Variants in TXLNB observed in about 807,000 individuals in gnomAD.
TXLNB encodes taxilin beta.
Under a neutral mutation model 57.4 loss-of-function variants are expected in TXLNB, and 37 were observed. The ratio of observed to expected loss-of-function variants is 0.64; its 90% CI spans 0.50 to 0.85. The LOEUF is 0.85. TXLNB is among the 40% of genes least tolerant of loss of function. TXLNB has a pLI of 0.00. For synonymous variants in TXLNB, 302 were observed against 309.6 expected (o/e 0.98, Z 0.26); for missense variants, 848 against 825.6 (o/e 1.03, Z -0.33).
chr6:139,242,564 G>C lies in TXLNB; in HGVS notation c.2017C>G (p.Arg673Gly). 5 of 1,515,326 alleles carry C rather than the reference G, an allele frequency of 3.3e-6. No homozygotes were observed. In the South Asian group the frequency reaches 5.3e-5, roughly 16 times the overall value. The allele number at this position is 1,515,326 out of a possible 1,614,324, so 93.9% of individuals were successfully genotyped here. Residue 673 changes from arginine (R) to glycine (G), a missense_variant, in exon 10 of 10, where the codon CGC (arginine) becomes GGC (glycine). Arg to Gly is a moderately radical substitution (Grantham distance 125). Transcript: ENST00000358430. Reference protein sequence around the residue: ...PVGASAGPQPRNVADTNLEGV... With the variant: ...PVGASAGPQPGNVADTNLEGV... ...TCCAGATTGGTGTCAGCCACGTTGCGCGGCTGGGGCCCAGCTGAGGCCCCT... is the reference window on the plus strand; with the variant it reads ...TCCAGATTGGTGTCAGCCACGTTGCCCGGCTGGGGCCCAGCTGAGGCCCCT...
rs575733148 is a variant in TXLNB at position 139,240,420 on chromosome 6, G to A, written c.*2106C>T. On this transcript the variant is annotated 3_prime_UTR_variant, in exon 10 of 10. Coordinates refer to ENST00000358430, the MANE Select transcript of TXLNB (RefSeq NM_153235.4). ...TGAAAGTCTTTTGGATGAAAATAAT[G>A]AACTTTGGGTTTTAGAATATTTGAT... 2.0e-5 allele frequency: 3 copies of A among 152,732 alleles called. No individual in the cohort carries two copies. The South Asian group carries it at 6.2e-4, about 32-fold the overall frequency. The allele number at this position is 152,732 out of a possible 1,614,324, so 9.5% of individuals were successfully genotyped here.
chr6:139,281,918 G>GA (rs1777062263), intron 2 of TXLNB, among the ~76,000 whole-genome samples: 1 of 148,868 alleles, frequency 6.7e-6, no homozygotes, highest in Non-Finnish European at 1.5e-5. Context: ...AAAAATATTA[G>GA]AAAAAACAGT....
chr6:139,293,724 A>G (rs150418562), upstream of TXLNB, among the ~76,000 whole-genome samples: 1 of 152,166 alleles, frequency 6.6e-6, no homozygotes, highest in East Asian at 1.9e-4. Context: ...TAGGGGAGGC[A>G]TAAGTTATAT....
the TXLNB span, among the ~76,000 whole-genome samples, chr6:139,194,008 A>AT: frequency 6.7e-6 from 1 of 150,288 alleles, no homozygotes; most frequent in East Asian, 1.9e-4. Flanking sequence ...CGCCCGGCCA[A>AT]TTTTTTGTAT....
intron 2 of TXLNB, among the ~76,000 whole-genome samples, chr6:139,285,002 C>A (rs996020865): frequency 6.9e-6 from 1 of 144,800 alleles, no homozygotes; most frequent in Non-Finnish European, 1.5e-5. Context: ...AGGTCATGAG[C>A]CCACACATAC....
the TXLNB span, chr6:139,165,916 G>A: frequency 4.6e-5 from 8 of 175,478 alleles, no homozygotes; most frequent in East Asian, 1.3e-3. Flanking sequence ...GCCTGGCTTT[G>A]TAATTTTGTG....
the TXLNB span, among the ~76,000 whole-genome samples, chr6:139,186,137 G>A: frequency 6.6e-6 from 1 of 152,102 alleles, no homozygotes; most frequent in Non-Finnish European, 1.5e-5. Context: ...ATATCCATAT[G>A]CAAAAATATA....
chr6:139,211,298 C>G, the TXLNB span, among the ~76,000 whole-genome samples: 7 of 152,206 alleles, frequency 4.6e-5, no homozygotes, highest in African/African-American at 1.4e-4. Context: ...GAGGAACGAA[C>G]AGGCAGCAGC....
the TXLNB span, among the ~76,000 whole-genome samples, chr6:139,204,682 C>A: frequency 6.6e-6 from 1 of 152,112 alleles, no homozygotes; most frequent in African/African-American, 2.4e-5. Context: ...AAAAGCCCTG[C>A]TTGCTTTCTC....
At chr6:139,216,562 AC>A in the TXLNB span, among the ~76,000 whole-genome samples, 1 of 152,210 alleles carries the variant, frequency 6.6e-6, no homozygotes, top group African/African-American at 2.4e-5. Context: ...CCAACATGGC[AC>A]ATGTATACAT....
chr6:139,270,137 A>G (rs1434554376), intron 4 of TXLNB, among the ~76,000 whole-genome samples: 1 of 152,154 alleles, frequency 6.6e-6, no homozygotes, highest in Non-Finnish European at 1.5e-5. Context: ...AACTCAACAT[A>G]ATAGAAAGGT....
intron 9 of TXLNB, 132 bp downstream of exon 9, chr6:139,244,463 C>T (rs1245082196): frequency 1.5e-6 from 1 of 658,102 alleles, no homozygotes; most frequent in Non-Finnish European, 2.7e-6. Context: ...TAAAATGTCA[C>T]ATCCTGCCAC....
chr6:139,239,841 TTCTC>T (rs374081254), downstream of TXLNB, among the ~76,000 whole-genome samples: 1 of 147,966 alleles, frequency 6.8e-6, no homozygotes, highest in Admixed American at 6.7e-5. The surrounding 1 kb of genome is among the most constrained non-coding windows in gnomAD (Gnocchi z 4.7). Flanking sequence ...CTCCCTCCCT[TTCTC>T]TCTCTGTCTC....
chr6:139,243,111 T>C lies in TXLNB; in HGVS notation c.1470A>G (p.Ala490=), dbSNP rs1183433073. The C allele has an allele frequency of 6.2e-7, 1 of 1,614,104 alleles. No individual in the cohort carries two copies. The highest frequency in any genetic ancestry group is 2.2e-5 in the East Asian group (1 of 44,894). The change falls in exon 10 of 10, where the codon GCA becomes GCG. Residue 490 remains alanine, a synonymous_variant. Coordinates refer to ENST00000358430, the MANE Select transcript of TXLNB (RefSeq NM_153235.4). ...SNVSVDQEID[A]EEVNSVQTAV... ...CGGTTTGGACACTATTAACCTCCTC[T>C]GCGTCAATCTCTTGATCCACAGAGA...
the TXLNB span, among the ~76,000 whole-genome samples, chr6:139,168,886 A>C: frequency 6.6e-6 from 1 of 152,172 alleles, no homozygotes; most frequent in Non-Finnish European, 1.5e-5. Context: ...AATTTTGAAG[A>C]CATTTCTTTA....
At chr6:139,174,840 C>G in the TXLNB span, among the ~76,000 whole-genome samples, 1 of 152,002 alleles carries the variant, frequency 6.6e-6, no homozygotes, top group Non-Finnish European at 1.5e-5. Flanking sequence ...GAATTGCTAA[C>G]CTGTTACCAG....
chr6:139,276,037 C>T (rs754881830), intron 3 of TXLNB, among the ~76,000 whole-genome samples: 1 of 152,218 alleles, frequency 6.6e-6, no homozygotes, highest in Non-Finnish European at 1.5e-5. Flanking sequence ...TTTGCAACTA[C>T]ATGATTTCAT....
chr6:139,167,692 A>G, the TXLNB span, among the ~76,000 whole-genome samples: 1 of 152,204 alleles, frequency 6.6e-6, no homozygotes, highest in South Asian at 2.1e-4. Context: ...CCTTATAAAC[A>G]TAACAGTGAG....
intron 2 of TXLNB, among the ~76,000 whole-genome samples, chr6:139,286,636 G>A (rs55882009): frequency 0.056 from 8,454 of 152,250 alleles, 503 homozygotes; most frequent in African/African-American, 0.15. Flanking sequence ...AGTGGCAGGC[G>A]ACAGAGCAAA....
Sources: allele counts gnomAD v4.1 joint callset (sites outside exome capture counted in the v4.1 genomes callset), GRCh38; gene constraint gnomAD v4.1.1; non-coding constraint Gnocchi (gnomAD v3.1); transcripts MANE v1.5; gene names NCBI Gene and HGNC (gene_info 2026-07-23, HGNC 2026-07-21).